The following GPHN variants were observed in gnomAD, a reference collection of about 807,000 sequenced individuals.
GPHN encodes gephyrin.
In GPHN, 17 loss-of-function variants were observed where a neutral mutation model predicts 95.5. That is an observed-to-expected ratio of 0.18 (90% CI 0.12 to 0.27). The LOEUF (loss-of-function observed/expected upper bound fraction) is 0.27. Ranked by LOEUF, GPHN falls within the 10% of genes least tolerant of loss-of-function variation. The pLI is 1.00. For missense variants in GPHN, 660 were observed against 978.1 expected, an observed-to-expected ratio of 0.67 and a Z score of 4.34; for synonymous variants, 320 against 322.5, an observed-to-expected ratio of 0.99 and a Z score of 0.08.
intron 8 of GPHN, among the ~76,000 whole-genome samples, chr14:66,962,422 C>T (rs2069017465): frequency 6.6e-6 from 1 of 151,436 alleles, no homozygotes; most frequent in Admixed American, 6.6e-5. Context: ...TTAACTGGAT[C>T]CACAATGGTA....
At chr14:66,957,912 C>T (rs1006767116) in intron 8 of GPHN, among the ~76,000 whole-genome samples, 2 of 152,136 alleles carry the variant, frequency 1.3e-5, no homozygotes, top group Non-Finnish European at 2.9e-5. Flanking sequence ...AAGTTGTGTG[C>T]TCCTTATGAG....
At chr14:66,895,632 A>G (rs1477332785) in intron 5 of GPHN, among the ~76,000 whole-genome samples, 2 of 152,204 alleles carry the variant, frequency 1.3e-5, no homozygotes, top group Admixed American at 1.3e-4. Flanking sequence ...CTGAAAGAAA[A>G]TAACATTTAA....
the GPHN span, among the ~76,000 whole-genome samples, chr14:67,640,162 A>G: frequency 6.6e-6 from 1 of 152,006 alleles, no homozygotes; most frequent in Admixed American, 6.6e-5. Flanking sequence ...TCACATTTTT[A>G]TCTTGGTTCA....
intron 5 of GPHN, among the ~76,000 whole-genome samples, chr14:66,897,061 A>C (rs139243038): frequency 0.012 from 1,832 of 152,260 alleles, 19 homozygotes; most frequent in Non-Finnish European, 0.018. Context: ...TTAAACTTTT[A>C]AGATGGTAAT....
At chr14:67,323,616 A>ATATATATATATATTAGAT in the GPHN span, 2 of 133,638 alleles carry the variant, frequency 1.5e-5, no homozygotes, top group Non-Finnish European at 1.3e-5. Context: ...CCTTAATCTA[A>ATATATATATATATTAGAT]TATATATATA....
At chr14:66,664,228 A>G (rs2065818799) in intron 1 of GPHN, among the ~76,000 whole-genome samples, 1 of 152,224 alleles carries the variant, frequency 6.6e-6, no homozygotes, top group Non-Finnish European at 1.5e-5. Flanking sequence ...CATAATCGGA[A>G]GTAAAACACT....
intron 16 of GPHN, among the ~76,000 whole-genome samples, chr14:67,114,123 C>T (rs2078537486): frequency 6.6e-6 from 1 of 152,002 alleles, no homozygotes; most frequent in Non-Finnish European, 1.5e-5. Flanking sequence ...TTTTATTTTG[C>T]AAATAGATAG....
chr14:66,890,410 C>CA (rs781415190), intron 5 of GPHN, among the ~76,000 whole-genome samples: 1,318 of 78,564 alleles, frequency 0.017, 17 homozygotes, highest in Middle Eastern at 0.068. Context: ...GACCCTGTCT[C>CA]AAAAAAAAAA....
Position 66,879,866 on chromosome 14 carries a change from T to A in GPHN, c.295-73T>A, listed in dbSNP as rs183503725. ...AGCCTGGTTTATAATCATTTTTAAG[T>A]GGGTTTTACTAGTCTGACTTCATTC... is the stretch of plus-strand genomic sequence containing the variant. On this transcript the variant is annotated intron_variant, in intron 4 of 22. Transcript: ENST00000478722. 1.1e-4 allele frequency: 99 copies of A among 900,456 alleles called. No homozygotes were observed. The East Asian group carries it at 1.3e-3, about 12-fold the overall frequency. The allele number at this position is 900,456 out of a possible 1,614,324, so 55.8% of individuals were successfully genotyped here. A position where few individuals can be genotyped will look rare whatever the true frequency, so the allele number is the denominator to read the frequency against.
intron 6 of GPHN, among the ~76,000 whole-genome samples, chr14:66,920,805 G>A (rs568494078): frequency 3.9e-4 from 59 of 151,716 alleles, no homozygotes; most frequent in African/African-American, 1.2e-3. Context: ...ATGCCTTTGC[G>A]TCCTCATAGC....
At chr14:66,915,839 G>T in intron 5 of GPHN, among the ~76,000 whole-genome samples, 164 bp from the exon 6 acceptor site, 1 of 152,104 alleles carries the variant, frequency 6.6e-6, no homozygotes, top group African/African-American at 2.4e-5. Flanking sequence ...ACTTCAACCA[G>T]AATGCCTAAT....
At chr14:67,356,017 A>G in the GPHN span, among the ~76,000 whole-genome samples, 5 of 152,126 alleles carry the variant, frequency 3.3e-5, no homozygotes, top group Non-Finnish European at 7.3e-5. Flanking sequence ...GTGTTTGGGT[A>G]ATAAAATTCA....
At chr14:67,051,524 G>A (rs1322756204) in intron 10 of GPHN, among the ~76,000 whole-genome samples, 1 of 152,146 alleles carries the variant, frequency 6.6e-6, no homozygotes, top group African/African-American at 2.4e-5. Flanking sequence ...GAACCAAGTT[G>A]GAAAACGTAC....
chr14:67,399,286 G>A, the GPHN span, among the ~76,000 whole-genome samples: 1 of 150,056 alleles, frequency 6.7e-6, no homozygotes, highest in Non-Finnish European at 1.5e-5. Context: ...TGGTTCTCAG[G>A]TGGCAGGAAT....
At chr14:66,570,974 C>T (rs1159547834) in intron 1 of GPHN, among the ~76,000 whole-genome samples, 2 of 151,952 alleles carry the variant, frequency 1.3e-5, no homozygotes, top group African/African-American at 2.4e-5. Flanking sequence ...TTTTCTTGCT[C>T]TTTAGTAGTT....
chr14:67,731,051 T>C, the GPHN span, among the ~76,000 whole-genome samples: 1 of 152,164 alleles, frequency 6.6e-6, no homozygotes, highest in Non-Finnish European at 1.5e-5. Context: ...GTGGGTTAAA[T>C]AAAGTACATA....
the GPHN span, among the ~76,000 whole-genome samples, chr14:67,554,827 T>C: frequency 6.6e-6 from 1 of 152,210 alleles, no homozygotes; most frequent in Non-Finnish European, 1.5e-5. Context: ...TCCCTTTGCT[T>C]GGGCCACTTG....
intron 2 of GPHN, chr14:66,760,999 A>G (rs1369519449): frequency 5.1e-6 from 3 of 592,074 alleles, no homozygotes; most frequent in Non-Finnish European, 9.8e-6. Flanking sequence ...GAGGATGTGG[A>G]TATGGAAGAT....
the GPHN span, chr14:67,387,308 C>A: frequency 6.3e-7 from 1 of 1,599,022 alleles, no homozygotes; most frequent in East Asian, 2.3e-5. Flanking sequence ...AGGGAGGAAT[C>A]CTGGTTCCCT....
Sources: gnomAD v4.1 joint callset for allele counts (sites outside exome capture counted in the v4.1 genomes callset) on GRCh38, gnomAD v4.1.1 for gene constraint, MANE v1.5 for transcripts, NCBI Gene and HGNC (gene_info 2026-07-23, HGNC 2026-07-21) for gene names.